The following SPRY3 variants were observed in gnomAD, a reference collection of about 807,000 sequenced individuals.
SPRY3 encodes sprouty RTK signaling antagonist 3.
In SPRY3, 15 loss-of-function variants were observed where a neutral mutation model predicts 20.2. The ratio of observed to expected loss-of-function variants is 0.74; its 90% CI spans 0.50 to 1.14. The LOEUF (loss-of-function observed/expected upper bound fraction) is 1.14. Ranked by LOEUF, SPRY3 falls within the 50% of genes most tolerant of loss-of-function variation. The pLI is 0.00. For missense variants in SPRY3, 364 were observed against 363.9 expected (o/e 1.00, Z 0.00); for synonymous variants, 143 against 136.5 (o/e 1.05, Z -0.33).
rs1420189246 is a variant in SPRY3, at chrX:155,715,929, A to T, written c.-281-52033A>T. Among the ~76,000 whole-genome samples the T allele has an allele frequency of 3.9e-5, 6 of 152,048 alleles. No individual in the cohort carries two copies. The South Asian group carries it at 1.0e-3, about 26-fold the overall frequency. On this transcript the variant is annotated intron_variant, in intron 2 of 3. Coordinates refer to ENST00000675360, the Ensembl canonical transcript of SPRY3. ...GATTCTCTCACTGTGACACATGGCC[A>T]CTGCCAGGGGATGGAGGAGGGGTGG... is the stretch of plus-strand genomic sequence containing the variant.
intron 2 of SPRY3, among the ~76,000 whole-genome samples, chrX:155,766,368 T>C (rs1277176737): frequency 6.6e-6 from 1 of 152,182 alleles, no homozygotes; most frequent in Non-Finnish European, 1.5e-5. Flanking sequence ...CTCATGTTAA[T>C]GTAAAAATTG....
At chrX:155,722,260 C>A (rs1243541582) in intron 2 of SPRY3, among the ~76,000 whole-genome samples, 1 of 152,136 alleles carries the variant, frequency 6.6e-6, no homozygotes. Flanking sequence ...CAGTGGCTCA[C>A]GCCTGTAATC....
chrX:155,686,999 A>G (rs927968956), intron 2 of SPRY3, among the ~76,000 whole-genome samples: 1 of 112,944 alleles, frequency 8.9e-6, no homozygotes, highest in African/African-American at 3.2e-5. Context: ...GGCTGCCAGA[A>G]CAAAAAAACA....
At chrX:155,712,323 A>G (rs1025421940) in intron 2 of SPRY3, among the ~76,000 whole-genome samples, 6 of 151,878 alleles carry the variant, frequency 4.0e-5, no homozygotes, top group African/African-American at 1.4e-4. Context: ...ATTGGGGTCT[A>G]TCTCTCTTTA....
intron 2 of SPRY3, among the ~76,000 whole-genome samples, chrX:155,746,400 ATTG>A (rs1324154364): frequency 1.3e-5 from 2 of 152,000 alleles, no homozygotes; most frequent in African/African-American, 4.8e-5. Flanking sequence ...ACTTTCTGAT[ATTG>A]TTAATACAAT....
chrX:155,635,428 T>C (rs1557350909), intron 1 of SPRY3, among the ~76,000 whole-genome samples: 1 of 111,469 alleles, frequency 9.0e-6, no homozygotes, highest in African/African-American at 3.3e-5. Flanking sequence ...GGTCAAATGG[T>C]ATTTCCAGTT....
chrX:155,694,704 A>G (rs1342981976), intron 2 of SPRY3, among the ~76,000 whole-genome samples: 1 of 112,072 alleles, frequency 8.9e-6, no homozygotes, highest in East Asian at 2.8e-4. Flanking sequence ...GTTGGAAGAC[A>G]GTGACAGACC....
chrX:155,689,001 G>A (rs2068096206), intron 2 of SPRY3, among the ~76,000 whole-genome samples: 1 of 87,813 alleles, frequency 1.1e-5, no homozygotes, highest in Admixed American at 1.2e-4. Flanking sequence ...TCTTATAGAT[G>A]CTGGATATTA....
intron 2 of SPRY3, among the ~76,000 whole-genome samples, chrX:155,670,854 C>T (rs1466532217): frequency 8.9e-6 from 1 of 111,830 alleles, no homozygotes; most frequent in African/African-American, 3.2e-5. Context: ...TTGCAATGTT[C>T]TTCCCATACT....
intron 2 of SPRY3, among the ~76,000 whole-genome samples, chrX:155,710,484 TGC>T (rs1175545393): frequency 2.6e-5 from 4 of 151,702 alleles, no homozygotes; most frequent in Non-Finnish European, 5.9e-5. Flanking sequence ...AATATAGTAA[TGC>T]CATTGAGTTT....
chrX:155,685,403 CTTT>C (rs767255277), intron 2 of SPRY3, among the ~76,000 whole-genome samples: 1 of 93,246 alleles, frequency 1.1e-5, no homozygotes. Context: ...GTAGGGATTT[CTTT>C]TTTTTTTTTT....
intron 3 of SPRY3, among the ~76,000 whole-genome samples, chrX:155,768,898 C>A (rs1303237514): frequency 6.6e-6 from 1 of 152,168 alleles, no homozygotes. Flanking sequence ...GTTGGATGAA[C>A]AGAAAACAGA....
At chrX:155,745,180 A>C (rs2091220141) in intron 2 of SPRY3, among the ~76,000 whole-genome samples, 1 of 152,042 alleles carries the variant, frequency 6.6e-6, no homozygotes, top group African/African-American at 2.4e-5. Flanking sequence ...TTCTTTCCCC[A>C]AATTTTGTTT....
At chrX:155,731,821 A>G (rs1439911013) in intron 2 of SPRY3, among the ~76,000 whole-genome samples, 1 of 152,074 alleles carries the variant, frequency 6.6e-6, no homozygotes, top group Non-Finnish European at 1.5e-5. Flanking sequence ...GAAAAAATCT[A>G]ACAATCTTAT....
chrX:155,738,259 G>T (rs1339677168), intron 2 of SPRY3, among the ~76,000 whole-genome samples: 1 of 151,714 alleles, frequency 6.6e-6, no homozygotes, highest in Admixed American at 6.6e-5. Context: ...ACAAGGTGCA[G>T]ACTGGGAAAA....
At chrX:155,682,196 C>T (rs1176102836) in intron 2 of SPRY3, among the ~76,000 whole-genome samples, 1 of 112,240 alleles carries the variant, frequency 8.9e-6, no homozygotes, top group Non-Finnish European at 1.9e-5. Flanking sequence ...AATTATGCTA[C>T]GTCTACTCTA....
exon 4 of SPRY3, chrX:155,773,872 A>C (rs751859461): frequency 1.2e-6 from 2 of 1,612,174 alleles, no homozygotes; most frequent in South Asian, 2.2e-5. Flanking sequence ...TCAAGGCAAA[A>C]TGGATGCTGC....
At chrX:155,781,765 G>C (rs1007270508), downstream of SPRY3, 4 of 166,996 alleles carry the variant, frequency 2.4e-5, no homozygotes, top group Non-Finnish European at 4.4e-5. Flanking sequence ...GTGGGGCTAA[G>C]TCTCTAAAAC....
chrX:155,740,809 G>GTTCATAC (rs1289224896), intron 2 of SPRY3, among the ~76,000 whole-genome samples: 4,493 of 151,992 alleles, frequency 0.03, 79 homozygotes, highest in Non-Finnish European at 0.042. Flanking sequence ...TGATCTTTGT[G>GTTCATAC]ACCTACTCCC....
Sources: allele counts gnomAD v4.1 joint callset (sites outside exome capture counted in the v4.1 genomes callset), GRCh38; gene constraint gnomAD v4.1.1; transcripts MANE v1.5; gene names NCBI Gene and HGNC (gene_info 2026-07-23, HGNC 2026-07-21).